Variants in GAREM1 observed in about 807,000 individuals in gnomAD.
The protein encoded by GAREM1 is GRB2-associated and regulator of MAPK protein 1.
Under a neutral mutation model 71.3 loss-of-function variants are expected in GAREM1, and 26 were observed. The observed-to-expected ratio is 0.36, with a 90% CI of 0.27 to 0.51. The LOEUF is 0.51. Ranked by LOEUF, GAREM1 falls within the 20% of genes least tolerant of loss-of-function variation. The pLI is 0.95. For missense variants in GAREM1, 1,026 were observed against 1,103.1 expected (o/e 0.93, Z 0.99); for synonymous variants, 440 against 433.2 (o/e 1.02, Z -0.20).
At chr18:32,397,848 T>C (rs112700326) in intron 1 of GAREM1, among the ~76,000 whole-genome samples, 20,304 of 152,032 alleles carry the variant, frequency 0.13, 1,563 homozygotes, top group African/African-American at 0.21. Context: ...CACCCCAAAT[T>C]AACAGAATAT....
At chr18:32,304,029 A>T (rs1239313070) in intron 3 of GAREM1, among the ~76,000 whole-genome samples, 1 of 151,932 alleles carries the variant, frequency 6.6e-6, no homozygotes, top group Admixed American at 6.6e-5. Context: ...AAAAGAGGCC[A>T]GGCTCAGTGG....
intron 1 of GAREM1, among the ~76,000 whole-genome samples, chr18:32,404,328 TA>T (rs1269273540): frequency 6.6e-6 from 1 of 152,182 alleles, no homozygotes; most frequent in Non-Finnish European, 1.5e-5. Context: ...AATATGTTGA[TA>T]ATCAACTTGT....
intron 2 of GAREM1, among the ~76,000 whole-genome samples, chr18:32,337,104 G>T (rs1473641273): frequency 6.6e-6 from 1 of 152,182 alleles, no homozygotes; most frequent in African/African-American, 2.4e-5. Flanking sequence ...AGACTCTAGG[G>T]AGATATTCAA....
rs1598917308 is a variant in GAREM1 at position 32,270,252 on chromosome 18, G to A, written c.1698C>T (p.Pro566=). The change falls in exon 5 of 6, where the codon CCC becomes CCT. Residue 566 remains proline, a synonymous_variant. Coordinates refer to ENST00000269209, the MANE Select transcript of GAREM1 (RefSeq NM_001242409.2). The part of the protein sequence containing the change: ...PARQQTRSPS[P]TLSYYSSGLH... The stretch of plus-strand genomic sequence containing the variant: ...GCCCTGAAGAATAGTAGGACAAGGT[G>A]GGGCTGGGAGAGCGAGTCTGTTGCC... 1.2e-6 allele frequency: 2 copies of A among 1,614,030 alleles called. No homozygotes were observed. Among genetic ancestry groups the A allele is most frequent in the Non-Finnish European group, 8.5e-7 (1 of 1,179,994 alleles).
At chr18:32,455,082 A>G (rs1050656723) in intron 1 of GAREM1, among the ~76,000 whole-genome samples, 1 of 152,254 alleles carries the variant, frequency 6.6e-6, no homozygotes, top group Non-Finnish European at 1.5e-5. Context: ...AGGTTTTGTT[A>G]TAATCTTACA....
At chr18:32,360,565 G>A (rs929647879) in intron 2 of GAREM1, among the ~76,000 whole-genome samples, 1 of 151,952 alleles carries the variant, frequency 6.6e-6, no homozygotes, top group Non-Finnish European at 1.5e-5. Flanking sequence ...TCTTTTTTGG[G>A]GGGGTGGGGA....
intron 1 of GAREM1, chr18:32,413,242 A>C (rs116954010): frequency 6.3e-7 from 1 of 1,589,414 alleles, no homozygotes; most frequent in Non-Finnish European, 8.6e-7. Context: ...GAAAGGCCAG[A>C]AAAATATTTC....
rs2041402276 is a variant in GAREM1 at position 32,268,178 on chromosome 18, T to A, written c.2324A>T (p.Asp775Val). The A allele has an allele frequency of 1.9e-6, 3 of 1,614,076 alleles. No individual in the cohort carries two copies. Among genetic ancestry groups the A allele is most frequent in the Non-Finnish European group, 2.5e-6 (3 of 1,180,006 alleles). Reference protein sequence around the residue: ...DQYFVKKGMQDIFSASYPFSS... With the variant: ...DQYFVKKGMQVIFSASYPFSS... ...GAAAGGGTAGGAGGCAGAGAAGATG[T>A]CCTGCATGCCCTTTTTAACAAAATA... is the stretch of plus-strand genomic sequence containing the variant. The change falls in exon 6 of 6, where the codon GAC (aspartate) becomes GTC (valine). Residue 775 changes from aspartate (D) to valine (V), a missense_variant. Coordinates refer to ENST00000269209, the MANE Select transcript of GAREM1 (RefSeq NM_001242409.2).
chr18:32,355,401 T>C (rs554836080), intron 2 of GAREM1, among the ~76,000 whole-genome samples: 46 of 152,018 alleles, frequency 3.0e-4, no homozygotes, highest in African/African-American at 1.1e-3. Context: ...TCGATGCATT[T>C]TTACACATGA....
intron 2 of GAREM1, among the ~76,000 whole-genome samples, chr18:32,355,134 A>G (rs2047791444): frequency 6.6e-6 from 1 of 152,234 alleles, no homozygotes; most frequent in Non-Finnish European, 1.5e-5. Context: ...AAACTATGGT[A>G]TCAAGATGGA....
chr18:32,307,588 T>C (rs1028997162), intron 3 of GAREM1, among the ~76,000 whole-genome samples: 5 of 152,216 alleles, frequency 3.3e-5, no homozygotes, highest in African/African-American at 9.6e-5. Context: ...AATGGCGTGA[T>C]CTCGGCTCAC....
chr18:32,363,987 C>CATATACACATAT (rs2144614318), intron 2 of GAREM1, among the ~76,000 whole-genome samples: 1 of 27,094 alleles, frequency 3.7e-5, no homozygotes, highest in East Asian at 1.6e-3. Context: ...TACATAAATA[C>CATATACACATAT]ATATATACAT....
intron 2 of GAREM1, among the ~76,000 whole-genome samples, chr18:32,356,228 G>A (rs1158625094): frequency 1.3e-5 from 2 of 152,154 alleles, no homozygotes; most frequent in Non-Finnish European, 2.9e-5. Context: ...AATTCAAAAT[G>A]CACTGATAAT....
intron 3 of GAREM1, among the ~76,000 whole-genome samples, chr18:32,293,176 C>T (rs1052462961): frequency 5.3e-5 from 8 of 151,962 alleles, no homozygotes; most frequent in Admixed American, 1.3e-4. Flanking sequence ...CACACACACA[C>T]GTATATCTTA....
intron 1 of GAREM1, among the ~76,000 whole-genome samples, chr18:32,443,663 A>G (rs1339118876): frequency 6.6e-6 from 1 of 152,154 alleles, no homozygotes; most frequent in Admixed American, 6.6e-5. Context: ...AACCTTACAC[A>G]TTGTTCTGGA....
intron 4 of GAREM1, among the ~76,000 whole-genome samples, chr18:32,278,142 A>C (rs1389863452): frequency 6.6e-6 from 1 of 152,214 alleles, no homozygotes; most frequent in Admixed American, 6.5e-5. Context: ...ACGTAAAAGG[A>C]CAGTTAACTA....
chr18:32,457,330 T>C (rs1459680524), intron 1 of GAREM1, among the ~76,000 whole-genome samples: 1 of 151,638 alleles, frequency 6.6e-6, no homozygotes, highest in African/African-American at 2.4e-5. Context: ...AGTTTTTAAA[T>C]AGTTTTAGGT....
chr18:32,337,388 A>G (rs1487223285), intron 2 of GAREM1, among the ~76,000 whole-genome samples: 1 of 152,234 alleles, frequency 6.6e-6, no homozygotes. Context: ...TACAATATGT[A>G]CGTAAGTGGG....
At position 32,266,406 on chromosome 18, in the gene GAREM1, T is replaced by C. The variant is rs1352323067; in HGVS notation, c.*1465A>G. The C allele has an allele frequency of 2.0e-5, 3 of 152,158 alleles. No homozygotes were observed. In the East Asian group the frequency reaches 5.8e-4, roughly 29 times the overall value. 9.4% of individuals were successfully genotyped at this position (152,158 alleles called of 1,614,324 possible). A position where few individuals can be genotyped will look rare whatever the true frequency, so the allele number is the denominator to read the frequency against. On this transcript the variant is annotated 3_prime_UTR_variant, in exon 6 of 6. Transcript: ENST00000269209. ...CAAGAGGGCACTGTGTGCACCTCGGTCATGGGCTGTCCGCACATCTGGAAT... is the reference window on the plus strand; with the variant it reads ...CAAGAGGGCACTGTGTGCACCTCGGCCATGGGCTGTCCGCACATCTGGAAT...
Sources: gnomAD v4.1 joint callset for allele counts (sites outside exome capture counted in the v4.1 genomes callset) on GRCh38, gnomAD v4.1.1 for gene constraint, MANE v1.5 for transcripts, NCBI Gene and HGNC (gene_info 2026-07-23, HGNC 2026-07-21) for gene names.